HDAC9: variants seen among roughly 807,000 people sequenced by gnomAD.
HDAC9 encodes MEF-2 interacting transcription repressor (MITR) protein.
HDAC9 carries 41 observed loss-of-function variants against 139.4 expected under a neutral mutation model. The ratio of observed to expected loss-of-function variants is 0.29; its 90% CI spans 0.23 to 0.38. The LOEUF is 0.38. Among genes scored for constraint, HDAC9 ranks in the 10% least tolerant of loss-of-function variants. The probability of loss-of-function intolerance (pLI) is 1.00; values close to 1 mark genes in which losing one functional copy is unlikely to be tolerated. For synonymous variants in HDAC9, 517 were observed against 476.2 expected (o/e 1.09, Z -1.12); for missense variants, 1,147 against 1,297.0 (o/e 0.88, Z 1.78).
At chr7:18,318,118 T>C (rs945825881) in intron 1 of HDAC9, among the ~76,000 whole-genome samples, 2 of 152,178 alleles carry the variant, frequency 1.3e-5, no homozygotes, top group Non-Finnish European at 2.9e-5. Flanking sequence ...TTCATCCCAG[T>C]GTCCTGGCCT....
intron 11 of HDAC9, among the ~76,000 whole-genome samples, chr7:18,657,529 T>C (rs534404400): frequency 2.7e-4 from 41 of 152,238 alleles, no homozygotes; most frequent in Non-Finnish European, 4.6e-4. Flanking sequence ...ATCCTAAAGA[T>C]TATCAGGGAA....
chr7:18,233,351 C>G (rs1282857128), intron 2 of HDAC9, among the ~76,000 whole-genome samples: 2 of 151,946 alleles, frequency 1.3e-5, no homozygotes, highest in Non-Finnish European at 2.9e-5. Flanking sequence ...AATAGGAGTC[C>G]TGTTTCATCT....
chr7:18,268,132 G>GA (rs1193239112), intron 2 of HDAC9, among the ~76,000 whole-genome samples: 1 of 152,210 alleles, frequency 6.6e-6, no homozygotes, highest in Admixed American at 6.5e-5. Flanking sequence ...TTGATCTAAT[G>GA]AAACACTAAG....
intron 11 of HDAC9, among the ~76,000 whole-genome samples, chr7:18,654,836 A>G (rs978033616): frequency 6.6e-6 from 1 of 152,126 alleles, no homozygotes; most frequent in African/African-American, 2.4e-5. Context: ...CCTTCAAGTT[A>G]CTCACTTGGC....
chr7:18,181,088 A>G (rs553978145), intron 2 of HDAC9, among the ~76,000 whole-genome samples: 1 of 152,278 alleles, frequency 6.6e-6, no homozygotes, highest in African/African-American at 2.4e-5. Flanking sequence ...CAGAACCTTT[A>G]AGCATGTCTG....
chr7:18,649,811 C>T (rs116434306), intron 11 of HDAC9, among the ~76,000 whole-genome samples: 5,399 of 152,086 alleles, frequency 0.035, 352 homozygotes, highest in African/African-American at 0.12. Context: ...TACCATGCTT[C>T]CGAACAGAAA....
chr7:18,815,430 C>T (rs35378236), intron 17 of HDAC9, among the ~76,000 whole-genome samples: 2,127 of 152,264 alleles, frequency 0.014, 24 homozygotes, highest in Non-Finnish European at 0.022. Context: ...TGATTTCCCC[C>T]GTCACAACAA....
At chr7:18,196,434 A>T (rs1019116021) in intron 2 of HDAC9, among the ~76,000 whole-genome samples, 2 of 152,180 alleles carry the variant, frequency 1.3e-5, no homozygotes, top group African/African-American at 4.8e-5. Context: ...GGGATGGAAT[A>T]GGCAAAGAAG....
chr7:18,588,477 T>G (rs1830056380), intron 3 of HDAC9, among the ~76,000 whole-genome samples: 1 of 152,188 alleles, frequency 6.6e-6, no homozygotes, highest in Non-Finnish European at 1.5e-5. Flanking sequence ...ATATACACCT[T>G]ATACACATAG....
intron 1 of HDAC9, among the ~76,000 whole-genome samples, chr7:18,422,113 TGGAAG>T (rs1789675607): frequency 6.6e-6 from 1 of 152,214 alleles, no homozygotes; most frequent in African/African-American, 2.4e-5. Flanking sequence ...TTCTCACATC[TGGAAG>T]TTAATGCCTT....
At chr7:18,799,836 G>A (rs1275242276) in intron 17 of HDAC9, among the ~76,000 whole-genome samples, 3 of 152,170 alleles carry the variant, frequency 2.0e-5, no homozygotes, top group East Asian at 1.9e-4. Flanking sequence ...AGAGAAAGGG[G>A]AAGAAAGAAT....
intron 1 of HDAC9, among the ~76,000 whole-genome samples, chr7:18,124,565 GT>G (rs1434897261): frequency 1.3e-5 from 2 of 152,332 alleles, no homozygotes; most frequent in East Asian, 3.9e-4. Context: ...GTGAGAAGCT[GT>G]GGTCCTGGTA....
chr7:18,247,896 C>T (rs183359863), intron 2 of HDAC9, among the ~76,000 whole-genome samples: 1 of 152,196 alleles, frequency 6.6e-6, no homozygotes, highest in East Asian at 1.9e-4. Context: ...CTTTTAAAAA[C>T]TATCCTGTAA....
intron 24 of HDAC9, among the ~76,000 whole-genome samples, chr7:18,974,169 C>A (rs1472292056): frequency 6.6e-6 from 1 of 152,192 alleles, no homozygotes; most frequent in East Asian, 1.9e-4. Flanking sequence ...CCAGGGATAT[C>A]CCATGACCTC....
intron 2 of HDAC9, among the ~76,000 whole-genome samples, chr7:18,199,353 T>C (rs910908119): frequency 2.6e-5 from 4 of 152,212 alleles, no homozygotes; most frequent in African/African-American, 7.2e-5. Context: ...TCATTTTATT[T>C]TTGTTTATAT....
rs559067035 is a variant in HDAC9 at position 18,169,543 on chromosome 7, G to A, written c.25+7194G>A. Reference sequence around the variant, plus strand: ...GTTAACATAGGTATACATGTGCCACGTTGGTTTGCTGCACCCATTAACTCA... The same window carrying A: ...GTTAACATAGGTATACATGTGCCACATTGGTTTGCTGCACCCATTAACTCA... On this transcript the variant is annotated intron_variant, in intron 2 of 12. Transcript: ENST00000417496. Among the ~76,000 whole-genome samples, 48 of 151,900 alleles carry A rather than the reference G, an allele frequency of 3.2e-4. 1 individual carries two copies. Among genetic ancestry groups the A allele is most frequent in the Middle Eastern group, 6.8e-3 (2 of 294 alleles).
intron 21 of HDAC9, among the ~76,000 whole-genome samples, chr7:18,839,168 T>C (rs1040379361): frequency 1.3e-5 from 2 of 152,040 alleles, no homozygotes; most frequent in African/African-American, 4.8e-5. Context: ...TTTCCGAGGT[T>C]ACCATTGTAT....
At chr7:18,668,936 C>A in intron 12 of HDAC9, 1 of 958,748 alleles carries the variant, frequency 1.0e-6, no homozygotes. Flanking sequence ...AATACATTGC[C>A]AGTCTTTGTT....
chr7:18,725,475 A>AC (rs11388709), intron 12 of HDAC9, among the ~76,000 whole-genome samples: 152,284 of 152,284 alleles, frequency 1, 76,142 homozygotes, highest in Non-Finnish European at 1. Flanking sequence ...ATTTGGGTTG[A>AC]CTTCGGAGTC....
Sources: gnomAD v4.1 joint callset for allele counts (sites outside exome capture counted in the v4.1 genomes callset) on GRCh38, gnomAD v4.1.1 for gene constraint, MANE v1.5 for transcripts, NCBI Gene and HGNC (gene_info 2026-07-23, HGNC 2026-07-21) for gene names.